The following BCAR1 variants were observed in gnomAD, a reference collection of about 807,000 sequenced individuals.
The protein encoded by BCAR1 is breast cancer anti-estrogen resistance protein 1.
In BCAR1, 30 loss-of-function variants were observed where a neutral mutation model predicts 67.6. That is an observed-to-expected ratio of 0.44 (90% CI 0.33 to 0.60). The LOEUF (loss-of-function observed/expected upper bound fraction) is 0.60. Ranked by LOEUF, BCAR1 falls within the 20% of genes least tolerant of loss-of-function variation. The pLI, the probability that BCAR1 is intolerant of heterozygous loss-of-function variation, is 0.02. For synonymous variants in BCAR1, 626 were observed against 556.7 expected, an observed-to-expected ratio of 1.12 and a Z score of -1.75; for missense variants, 1,313 against 1,222.3, an observed-to-expected ratio of 1.07 and a Z score of -1.11.
chr16:75,251,352 C>T (rs2077674558), intron 1 of BCAR1, 119 bp downstream of exon 1: 2 of 1,362,250 alleles, frequency 1.5e-6, no homozygotes, highest in South Asian at 1.4e-5. Context: ...GGGCCGCGGA[C>T]CCCGGCCGGC....
chr16:75,239,874 C>A (rs2077277707), intron 2 of BCAR1, among the ~76,000 whole-genome samples: 1 of 152,184 alleles, frequency 6.6e-6, no homozygotes, highest in Non-Finnish European at 1.5e-5. Flanking sequence ...AAACACAGGC[C>A]CGACAGGACC....
intron 1 of BCAR1, chr16:75,265,309 C>G (rs2077982165): frequency 6.6e-6 from 1 of 152,418 alleles, no homozygotes. Flanking sequence ...GACCGCGCCC[C>G]AACCTGGCCA....
intron 1 of BCAR1, among the ~76,000 whole-genome samples, chr16:75,245,134 G>A (rs1247034089): frequency 6.6e-6 from 1 of 152,010 alleles, no homozygotes; most frequent in Non-Finnish European, 1.5e-5. Flanking sequence ...CAGCCCACCG[G>A]GCTCAGGGCC....
At chr16:75,236,234 A>G in intron 4 of BCAR1, 1 of 550,100 alleles carries the variant, frequency 1.8e-6, no homozygotes, top group Non-Finnish European at 3.1e-6. Context: ...CTCTGGGACG[A>G]GCCGGCTCTG....
At chr16:75,260,998 A>G (rs74548959) in intron 1 of BCAR1, among the ~76,000 whole-genome samples, 3 of 152,290 alleles carry the variant, frequency 2.0e-5, no homozygotes, top group East Asian at 3.9e-4. Flanking sequence ...GGTAGGGCTT[A>G]AATAATAAAT....
At chr16:75,251,357 G>A in intron 1 of BCAR1, 114 bp downstream of exon 1, 1 of 1,383,294 alleles carries the variant, frequency 7.2e-7, no homozygotes, top group Non-Finnish European at 9.5e-7. Context: ...GCGGACCCCG[G>A]CCGGCGGTTC....
chr16:75,255,370 C>A (rs910006883), upstream of BCAR1, among the ~76,000 whole-genome samples: 4 of 152,152 alleles, frequency 2.6e-5, no homozygotes, highest in South Asian at 2.1e-4. Flanking sequence ...GAAACGGTAT[C>A]TCTGGAGGGC....
Position 75,235,641 on chromosome 16 carries a change from C to T in BCAR1, c.1258G>A (p.Ala420Thr), listed in dbSNP as rs766189925. 4 of 1,607,758 alleles carry T rather than the reference C, an allele frequency of 2.5e-6. No individual in the cohort carries two copies. In the Admixed American group the frequency reaches 5.0e-5, roughly 20 times the overall value. Residue 420 changes from alanine to threonine, a missense_variant, in exon 5 of 7, where the codon GCC (alanine) becomes ACC (threonine). Physicochemically the swap from Ala to Thr is moderately conservative, Grantham distance 58. Coordinates refer to ENST00000162330, the MANE Select transcript of BCAR1 (RefSeq NM_014567.5). ...GACAGGCGCTTGCCCTCTGCCGGGG[C>T]TTCACGTTCAGCTGGGGGAGGCACC... The part of the protein sequence containing the change: ...YAVPPPAERE[A>T]PAEGKRLSAS...
rs143861512 is a variant in BCAR1, at chr16:75,260,584, A to C, written c.66+7331T>G. On this transcript the variant is annotated intron_variant, in intron 1 of 6. Transcript: ENST00000393422. The stretch of plus-strand genomic sequence containing the variant: ...GGGAGACAAAGGTTGCAGTGAGCTG[A>C]TATCAGGCCACTGCACTCCAGCCTG... Among the ~76,000 whole-genome samples the C allele has an allele frequency of 9.8e-4, 147 of 150,246 alleles. 1 individual carries two copies. The highest frequency in any genetic ancestry group is 3.4e-3 in the Middle Eastern group (1 of 292).
chr16:75,238,384 G>C, intron 2 of BCAR1: 2 of 1,093,298 alleles, frequency 1.8e-6, no homozygotes, highest in Non-Finnish European at 2.2e-6. Context: ...GGATGTCTGG[G>C]ACAGGGTTGA....
intron 2 of BCAR1, 58 bp downstream of exon 2, chr16:75,242,412 C>T: frequency 1.5e-6 from 2 of 1,341,910 alleles, no homozygotes; most frequent in East Asian, 2.8e-5. Context: ...TCTGTGCCCA[C>T]AAACCAGGGC....
intron 5 of BCAR1, among the ~76,000 whole-genome samples, 174 bp from the exon 6 acceptor site, chr16:75,234,109 A>G (rs1478002501): frequency 6.6e-6 from 1 of 151,194 alleles, no homozygotes; most frequent in Non-Finnish European, 1.5e-5. Flanking sequence ...ACACACACAC[A>G]CACAAGCACA....
At chr16:75,260,498 G>A (rs1473129468) in intron 1 of BCAR1, among the ~76,000 whole-genome samples, 1 of 152,034 alleles carries the variant, frequency 6.6e-6, no homozygotes, top group Non-Finnish European at 1.5e-5. Context: ...GCTGGACATG[G>A]TGGCACATGC....
At chr16:75,259,766 C>T (rs531601592) in intron 1 of BCAR1, among the ~76,000 whole-genome samples, 6 of 146,942 alleles carry the variant, frequency 4.1e-5, no homozygotes, top group South Asian at 2.2e-4. Flanking sequence ...GCAGGAGAAT[C>T]GCTTGAACCT....
intron 1 of BCAR1, chr16:75,245,964 C>A (rs368462630): frequency 2.0e-5 from 1 of 49,634 alleles, no homozygotes. Flanking sequence ...TAGGATTGTT[C>A]TTTTTTTTTT....
chr16:75,251,008 C>A (rs916463098), intron 1 of BCAR1: 139 of 985,530 alleles, frequency 1.4e-4, no homozygotes, highest in Middle Eastern at 5.2e-4. Context: ...ACTTGCCCGC[C>A]CGGCCTCGGT....
intron 4 of BCAR1, 123 bp from the exon 5 acceptor site, chr16:75,236,109 C>G: frequency 4.0e-6 from 5 of 1,251,242 alleles, no homozygotes; most frequent in Non-Finnish European, 5.4e-6. Flanking sequence ...CACAGAGGCA[C>G]GCGCACACAC....
chr16:75,230,384 G>C (rs1013816727), intron 6 of BCAR1, among the ~76,000 whole-genome samples: 3 of 152,130 alleles, frequency 2.0e-5, no homozygotes, highest in African/African-American at 7.2e-5. Flanking sequence ...ATGGCTGAAG[G>C]GCACTGGGGA....
Position 75,234,923 on chromosome 16 carries a change from C to A in BCAR1, c.1976G>T (p.Gly659Val). Residue 659 changes from glycine (G) to valine (V), a missense_variant, in exon 5 of 7, where the codon GGC (glycine) becomes GTC (valine). Gly to Val is a moderately radical substitution (Grantham distance 109). Around this residue, in one of 2 missense-constraint regions of BCAR1, gnomAD observed 1,272 missense variants for 1,137.5 expected, o/e 1.12. Coordinates refer to ENST00000162330, the MANE Select transcript of BCAR1 (RefSeq NM_014567.5). Reference protein sequence around the residue: ...PDGQYENSEGGWMEDYDYVHL... With the variant: ...PDGQYENSEGVWMEDYDYVHL... ...GACGTAGTCATAGTCCTCCATCCAGCCCCCCTCGCTGTTCTCGTACTGCCC... is the reference window on the plus strand; with the variant it reads ...GACGTAGTCATAGTCCTCCATCCAGACCCCCTCGCTGTTCTCGTACTGCCC... 2 of 1,553,316 alleles carry A rather than the reference C, an allele frequency of 1.3e-6. No individual in the cohort carries two copies. Among genetic ancestry groups the A allele is most frequent in the Non-Finnish European group, 1.7e-6 (2 of 1,144,712 alleles).
Sources: allele counts gnomAD v4.1 joint callset (sites outside exome capture counted in the v4.1 genomes callset), GRCh38; gene constraint gnomAD v4.1.1; regional missense constraint gnomAD v4.1.1; transcripts MANE v1.5; gene names NCBI Gene and HGNC (gene_info 2026-07-23, HGNC 2026-07-21).